Variants in TMEM117 observed in about 807,000 individuals in gnomAD.
The protein encoded by TMEM117 is transmembrane protein 117.
A neutral mutation model predicts 52.4 loss-of-function variants in TMEM117; 27 were observed. The observed-to-expected ratio is 0.51, with a 90% CI of 0.38 to 0.71. The LOEUF is 0.71. Ranked by LOEUF, TMEM117 falls within the 30% of genes least tolerant of loss-of-function variation. The pLI is 0.00. For synonymous variants in TMEM117, 215 were observed against 206.3 expected (o/e 1.04, Z -0.36); for missense variants, 556 against 630.5 (o/e 0.88, Z 1.26).
intron 3 of TMEM117, among the ~76,000 whole-genome samples, chr12:43,993,564 G>A (rs142915925): frequency 2.0e-5 from 3 of 152,026 alleles, no homozygotes; most frequent in Admixed American, 6.5e-5. Flanking sequence ...AAGATGGAGG[G>A]GGGTGGAAGA....
chr12:43,820,401 G>A, the TMEM117 span, among the ~76,000 whole-genome samples: 1 of 152,168 alleles, frequency 6.6e-6, no homozygotes, highest in African/African-American at 2.4e-5. Flanking sequence ...AGCCTCCCGA[G>A]TAGCTGGGAC....
At chr12:44,261,324 C>T (rs1406727774) in intron 5 of TMEM117, among the ~76,000 whole-genome samples, 1 of 152,170 alleles carries the variant, frequency 6.6e-6, no homozygotes, top group Non-Finnish European at 1.5e-5. Flanking sequence ...AAGATTCAAA[C>T]ACGACTCTGC....
At chr12:44,291,957 A>G (rs945945725) in intron 5 of TMEM117, among the ~76,000 whole-genome samples, 9 of 151,914 alleles carry the variant, frequency 5.9e-5, no homozygotes, top group Admixed American at 1.3e-4. Flanking sequence ...CTTTTTTTGT[A>G]GTATCCATAT....
At position 43,845,460 on chromosome 12, in the gene TMEM117, C is replaced by CAAAA. The variant is rs10677136; in HGVS notation, c.277+552_277+555dup. On this transcript the variant is annotated intron_variant, in intron 2 of 7. Coordinates refer to ENST00000266534, the MANE Select transcript of TMEM117 (RefSeq NM_032256.3). ...TGGGTGACACAGCGCGACTCCATCTCAAAAAAAAAAAAAAAAAAAAAAAGA... is the reference window on the plus strand; with the variant it reads ...TGGGTGACACAGCGCGACTCCATCTCAAAAAAAAAAAAAAAAAAAAAAAAAAAGA... 1.0e-3 allele frequency among the ~76,000 whole-genome samples: 38 copies of CAAAA among 37,922 alleles called. 3 individuals are homozygous for CAAAA. Among genetic ancestry groups the CAAAA allele is most frequent in the African/African-American group, 3.3e-3 (33 of 9,910 alleles). 24.9% of individuals were successfully genotyped at this position (37,922 alleles called of 152,430 possible). A position where few individuals can be genotyped will look rare whatever the true frequency, so the allele number is the denominator to read the frequency against.
At chr12:44,379,115 CTA>C (rs1491493542) in intron 7 of TMEM117, among the ~76,000 whole-genome samples, 1 of 144,500 alleles carries the variant, frequency 6.9e-6, no homozygotes, top group Admixed American at 7.0e-5. Context: ...AAACTCATCT[CTA>C]AAAAAAAATA....
rs577155247 is a variant in TMEM117, at chr12:44,195,021, A to G, written c.511-16269A>G. On this transcript the variant is annotated intron_variant, in intron 4 of 7. Transcript: ENST00000266534. Reference sequence around the variant, plus strand: ...CTGTGCATTAGTTTTCTACTGCTGCATAACAAGTTACCATAAACTTAACAG... The same window carrying G: ...CTGTGCATTAGTTTTCTACTGCTGCGTAACAAGTTACCATAAACTTAACAG... Among the ~76,000 whole-genome samples the G allele has an allele frequency of 9.8e-5, 15 of 152,354 alleles. No individual in the cohort carries two copies. The South Asian group carries it at 2.7e-3, about 27-fold the overall frequency.
chr12:44,089,671 C>G (rs549637974), intron 3 of TMEM117, among the ~76,000 whole-genome samples: 1 of 152,272 alleles, frequency 6.6e-6, no homozygotes, highest in Non-Finnish European at 1.5e-5. Context: ...AACACCTTTC[C>G]TCACTGATTT....
intron 2 of TMEM117, among the ~76,000 whole-genome samples, chr12:43,847,093 G>T (rs957893068): frequency 2.0e-5 from 3 of 152,124 alleles, no homozygotes; most frequent in Admixed American, 6.5e-5. Flanking sequence ...TTTGTTGTTG[G>T]TGGTGGGGCA....
chr12:43,902,123 G>A (rs1252132561), intron 2 of TMEM117, among the ~76,000 whole-genome samples: 1 of 152,226 alleles, frequency 6.6e-6, no homozygotes, highest in Non-Finnish European at 1.5e-5. Flanking sequence ...TTGCAAAGCA[G>A]AGTCACACCT....
intron 5 of TMEM117, among the ~76,000 whole-genome samples, chr12:44,223,171 A>G (rs1294317108): frequency 6.6e-6 from 1 of 152,048 alleles, no homozygotes; most frequent in African/African-American, 2.4e-5. Context: ...AGTATCCATT[A>G]GTTGTTTTTC....
chr12:44,210,582 G>C (rs147459360), intron 4 of TMEM117, among the ~76,000 whole-genome samples: 2 of 152,138 alleles, frequency 1.3e-5, no homozygotes, highest in African/African-American at 4.8e-5. Context: ...CTAGTGAAGA[G>C]AGAAAAAAGC....
In TMEM117 at chr12:44,314,162, C is replaced by T. The variant is rs578074889; in HGVS notation, c.768+14423C>T. 3.0e-4 allele frequency among the ~76,000 whole-genome samples: 45 copies of T among 152,248 alleles called. No homozygotes were observed. In the South Asian group the frequency reaches 9.1e-3, roughly 31 times the overall value. ...GTTGAATAGGGTTGGTAACAGGATC[C>T]TTGTCTTGTTCCAGTTCTCATGGGG... On this transcript the variant is annotated intron_variant, in intron 6 of 7. Transcript: ENST00000266534.
chr12:44,039,898 A>T (rs73089723), intron 3 of TMEM117, among the ~76,000 whole-genome samples: 24,306 of 152,092 alleles, frequency 0.16, 2,925 homozygotes, highest in African/African-American at 0.34. Flanking sequence ...CCTGGAATAG[A>T]CCCTGGTATA....
At chr12:43,970,432 GCA>G (rs1945563413) in intron 3 of TMEM117, among the ~76,000 whole-genome samples, 1 of 151,978 alleles carries the variant, frequency 6.6e-6, no homozygotes, top group Non-Finnish European at 1.5e-5. Flanking sequence ...GGGACTACAG[GCA>G]TCTGCCACCA....
chr12:43,895,783 A>T (rs1461494416), intron 2 of TMEM117, among the ~76,000 whole-genome samples: 3 of 152,184 alleles, frequency 2.0e-5, no homozygotes, highest in Non-Finnish European at 4.4e-5. Flanking sequence ...GCTAATGCTA[A>T]TGCTTAGTTT....
intron 3 of TMEM117, among the ~76,000 whole-genome samples, chr12:44,021,965 AC>A (rs1162240680): frequency 1.3e-5 from 2 of 152,196 alleles, no homozygotes; most frequent in Non-Finnish European, 2.9e-5. Context: ...TGAACTTACC[AC>A]ATATGTGTAA....
At chr12:43,896,982 A>G (rs1944215754) in intron 2 of TMEM117, among the ~76,000 whole-genome samples, 1 of 152,150 alleles carries the variant, frequency 6.6e-6, no homozygotes, top group Non-Finnish European at 1.5e-5. Context: ...CATCATATAA[A>G]CTTCGAGAGA....
At chr12:43,906,666 G>A (rs947290570) in intron 2 of TMEM117, among the ~76,000 whole-genome samples, 2 of 152,336 alleles carry the variant, frequency 1.3e-5, no homozygotes. Flanking sequence ...AGCAGGGCAA[G>A]CCATTGCCTC....
At chr12:43,826,033 C>T in the TMEM117 span, among the ~76,000 whole-genome samples, 2 of 152,238 alleles carry the variant, frequency 1.3e-5, no homozygotes, top group African/African-American at 4.8e-5. Context: ...AGCCTGAACA[C>T]AGACTTTTAA....
Sources: allele counts gnomAD v4.1 joint callset (sites outside exome capture counted in the v4.1 genomes callset), GRCh38; gene constraint gnomAD v4.1.1; transcripts MANE v1.5; gene names NCBI Gene and HGNC (gene_info 2026-07-23, HGNC 2026-07-21).